The following MGAM2 variants were observed in gnomAD, a reference collection of about 807,000 sequenced individuals.
MGAM2 encodes the protein maltase-glucoamylase 2 (putative), also known as probable maltase-glucoamylase 2.
Under a neutral mutation model 96.1 loss-of-function variants are expected in MGAM2, and 98 were observed. The ratio of observed to expected loss-of-function variants is 1.02; its 90% CI spans 0.87 to 1.21. The LOEUF is 1.21. Ranked by LOEUF, MGAM2 falls within the 50% of genes most tolerant of loss-of-function variation. The pLI is 0.00. For synonymous variants in MGAM2, 749 were observed against 414.8 expected (o/e 1.81, Z -9.79); for missense variants, 2,055 against 1,182.4 (o/e 1.74, Z -10.82).
intron 26 of MGAM2, among the ~76,000 whole-genome samples, chr7:142,169,319 G>C (rs1796122529): frequency 6.6e-6 from 1 of 152,116 alleles, no homozygotes; most frequent in Admixed American, 6.6e-5. Context: ...CTACTCAGGA[G>C]GCTGAAGCAT....
At chr7:142,186,407 C>A (rs991027781) in intron 35 of MGAM2, among the ~76,000 whole-genome samples, 2 of 152,170 alleles carry the variant, frequency 1.3e-5, no homozygotes, top group African/African-American at 2.4e-5. Flanking sequence ...CATCTCCAAT[C>A]TCTTGCCAAT....
intron 32 of MGAM2, among the ~76,000 whole-genome samples, chr7:142,182,609 T>C (rs1445559805): frequency 1.3e-5 from 2 of 152,168 alleles, no homozygotes; most frequent in African/African-American, 4.8e-5. Context: ...CTCTTGCCAA[T>C]TCAAATGTCT....
Position 142,161,122 on chromosome 7 carries a change from C to T in MGAM2, c.2346-3C>T, listed in dbSNP as rs1409543987. On this transcript the variant is annotated splice_region_variant and splice_polypyrimidine_tract_variant and intron_variant, in intron 21 of 47. Coordinates refer to ENST00000477922, the MANE Select transcript of MGAM2 (RefSeq NM_001293626.2). ...TCTGAAACTGGGAAGTACTCTTTTA[C>T]AGCCGGAGGAATTCCCTGGGACTCA... 15 of 702,180 alleles carry T rather than the reference C, an allele frequency of 2.1e-5. No individual in the cohort carries two copies. The highest frequency in any genetic ancestry group is 2.1e-4 in the African/African-American group (12 of 57,218). 43.5% of individuals were successfully genotyped at this position (702,180 alleles called of 1,614,324 possible).
chr7:142,192,939 A>G (rs565096840), intron 37 of MGAM2, among the ~76,000 whole-genome samples: 1 of 152,340 alleles, frequency 6.6e-6, no homozygotes, highest in South Asian at 2.1e-4. Flanking sequence ...AAATTAAATG[A>G]TATAATGAAT....
intron 7 of MGAM2, among the ~76,000 whole-genome samples, chr7:142,134,848 GAAAT>G (rs1371930613): frequency 6.7e-5 from 10 of 150,154 alleles, no homozygotes; most frequent in Admixed American, 6.6e-4. Flanking sequence ...CTGAAAAAAT[GAAAT>G]AAAAAAACTC....
chr7:142,194,411 G>C (rs1288808504), intron 37 of MGAM2, among the ~76,000 whole-genome samples: 3 of 151,888 alleles, frequency 2.0e-5, no homozygotes, highest in African/African-American at 7.3e-5. Context: ...TTCTTTTCCT[G>C]CTTTCAGTTG....
intron 46 of MGAM2, among the ~76,000 whole-genome samples, chr7:142,211,101 G>T (rs1797568872): frequency 6.6e-6 from 1 of 152,164 alleles, no homozygotes; most frequent in Non-Finnish European, 1.5e-5. Flanking sequence ...AGAGGGGCCT[G>T]ACTATTAGAA....
intron 1 of MGAM2, among the ~76,000 whole-genome samples, chr7:142,114,166 GA>G (rs1258539007): frequency 2.0e-5 from 2 of 102,530 alleles, no homozygotes; most frequent in African/African-American, 6.1e-5. Flanking sequence ...AAGAAAGAAA[GA>G]AAGAAAGAAA....
intron 14 of MGAM2, among the ~76,000 whole-genome samples, chr7:142,146,881 C>T (rs1018665448): frequency 8.5e-5 from 13 of 152,074 alleles, no homozygotes; most frequent in African/African-American, 3.1e-4. Context: ...GCGCACACCA[C>T]CATGCCTGGC....
At position 142,221,935 on chromosome 7, in the gene MGAM2, C is replaced by T. The variant is rs765208212; in HGVS notation, c.7424C>T (p.Thr2475Ile). Reference sequence around the variant, plus strand: ...TTACCTATTACTGCAACTAGTGCTACCACAGATACTACAAATATTACAAAA... The same window carrying T: ...TTACCTATTACTGCAACTAGTGCTATCACAGATACTACAAATATTACAAAA... ...TYLPITATSA[T>I]TDTTNITKYA... Residue 2475 changes from threonine to isoleucine, a missense_variant, in exon 48 of 48, where the codon ACC becomes ATC. Thr to Ile is a moderately conservative substitution (Grantham distance 89). Transcript: ENST00000477922. 30 of 399,588 alleles carry T rather than the reference C, an allele frequency of 7.5e-5. No homozygotes were observed. Among genetic ancestry groups the T allele is most frequent in the Non-Finnish European group, 1.2e-4 (27 of 226,856 alleles). 24.8% of individuals were successfully genotyped at this position (399,588 alleles called of 1,614,324 possible).
chr7:142,176,940 T>C (rs928046497), intron 32 of MGAM2, among the ~76,000 whole-genome samples: 1 of 152,244 alleles, frequency 6.6e-6, no homozygotes, highest in Non-Finnish European at 1.5e-5. Context: ...ACTTATGTCA[T>C]ATTTAAATTC....
intron 32 of MGAM2, among the ~76,000 whole-genome samples, chr7:142,178,504 TTAATC>T (rs536070197): frequency 1.8e-4 from 27 of 152,334 alleles, no homozygotes; most frequent in Admixed American, 1.4e-3. Context: ...ATTTAAGTCT[TTAATC>T]TATCTTGAGT....
At chr7:142,132,239 T>C (rs192927632) in intron 6 of MGAM2, among the ~76,000 whole-genome samples, 154 bp downstream of exon 6, 133 of 151,472 alleles carry the variant, frequency 8.8e-4, no homozygotes, top group Non-Finnish European at 1.6e-3. Flanking sequence ...AATAACAGTG[T>C]TAGCCTATCA....
intron 33 of MGAM2, among the ~76,000 whole-genome samples, chr7:142,183,636 A>T (rs543211949): frequency 2.0e-5 from 3 of 152,212 alleles, no homozygotes; most frequent in African/African-American, 7.2e-5. Context: ...ATTAACAAAC[A>T]TTAAGAATCC....
intron 4 of MGAM2, 108 bp from the exon 5 acceptor site, chr7:142,131,410 C>G (rs1416405320): frequency 3.1e-6 from 2 of 636,006 alleles, no homozygotes; most frequent in Non-Finnish European, 5.7e-6. Context: ...GCACTCCAGC[C>G]TGGGCCACAG....
chr7:142,130,926 T>G (rs976036000), intron 3 of MGAM2, 22 bp from the exon 4 acceptor site: 15 of 702,212 alleles, frequency 2.1e-5, no homozygotes, highest in Admixed American at 6.0e-5. Context: ...TATATACTGC[T>G]AACTCTGTGT....
chr7:142,188,107 TAA>T (rs1718443494), intron 36 of MGAM2, among the ~76,000 whole-genome samples: 1 of 55,816 alleles, frequency 1.8e-5, no homozygotes, highest in Admixed American at 2.3e-4. Flanking sequence ...AATAAACCCT[TAA>T]ACACACACAC....
chr7:142,158,284 G>A lies in MGAM2; in HGVS notation c.2115G>A (p.Glu705=), dbSNP rs1293729994. 2 of 702,938 alleles carry A rather than the reference G, an allele frequency of 2.8e-6. No homozygotes were observed. The highest frequency in any genetic ancestry group is 4.0e-5 in the Admixed American group (2 of 50,004). The allele number at this position is 702,938 out of a possible 1,614,324, so 43.5% of individuals were successfully genotyped here. The change falls in exon 19 of 48, where the codon GAG becomes GAA. Residue 705 remains glutamate (E), a synonymous_variant. Coordinates refer to ENST00000477922, the MANE Select transcript of MGAM2 (RefSeq NM_001293626.2). ...YQDSATWDVH[E]QFLWGPGLLI... Reference sequence around the variant, plus strand: ...ACTCAGCCACGTGGGATGTGCATGAGCAGTTCTTATGGGGACCTGGACTCC... The same window carrying A: ...ACTCAGCCACGTGGGATGTGCATGAACAGTTCTTATGGGGACCTGGACTCC...
At chr7:142,113,575 AG>A (rs1817249664) in intron 1 of MGAM2, among the ~76,000 whole-genome samples, 1 of 152,140 alleles carries the variant, frequency 6.6e-6, no homozygotes, top group African/African-American at 2.4e-5. Flanking sequence ...AATTATTTGA[AG>A]AACAGATAAT....
Sources: gnomAD v4.1 joint callset for allele counts (sites outside exome capture counted in the v4.1 genomes callset) on GRCh38, gnomAD v4.1.1 for gene constraint, MANE v1.5 for transcripts, NCBI Gene and HGNC (gene_info 2026-07-23, HGNC 2026-07-21) for gene names.